The following POP1 variants were observed in gnomAD, a reference collection of about 807,000 sequenced individuals.
POP1 encodes ribonucleases P/MRP protein subunit POP1.
In POP1, 75 loss-of-function variants were observed where a neutral mutation model predicts 102.2. That is an observed-to-expected ratio of 0.73 (90% CI 0.61 to 0.89). POP1 has a LOEUF of 0.89. Among genes scored for constraint, POP1 ranks in the 40% least tolerant of loss-of-function variants. The pLI, the probability that POP1 is intolerant of heterozygous loss-of-function variation, is 0.00. For missense variants in POP1, 1,116 were observed against 1,267.4 expected, an observed-to-expected ratio of 0.88 and a Z score of 1.81; for synonymous variants, 436 against 464.1, an observed-to-expected ratio of 0.94 and a Z score of 0.78.
At chr8:98,124,348 A>T (rs2130577740) in intron 2 of POP1, among the ~76,000 whole-genome samples, 1 of 152,208 alleles carries the variant, frequency 6.6e-6, no homozygotes, top group South Asian at 2.1e-4. Flanking sequence ...GATCACCTGA[A>T]GTCAGGAGTT....
At chr8:98,119,122 T>C (rs1340714773) in intron 1 of POP1, among the ~76,000 whole-genome samples, 3 of 152,368 alleles carry the variant, frequency 2.0e-5, no homozygotes, top group East Asian at 1.9e-4. Flanking sequence ...CCTGAAACTA[T>C]TGGGCACATA....
chr8:98,156,232 C>T lies in POP1; in HGVS notation c.2240C>T (p.Pro747Leu). Residue 747 changes from proline to leucine, a missense_variant, in exon 15 of 16, where the codon CCC becomes CTC. Coordinates refer to ENST00000401707, the MANE Select transcript of POP1 (RefSeq NM_001145860.2). Reference protein sequence around the residue: ...DLRRSEVPCAPMPKKTHQPSD... With the variant: ...DLRRSEVPCALMPKKTHQPSD... ...AGAAGATCTGAGGTGCCTTGTGCTC[C>T]CATGCCTAAAAAAACTCATCAGCCA... 6.2e-7 allele frequency: 1 copy of T among 1,613,954 alleles called. No individual in the cohort carries two copies. Among genetic ancestry groups the T allele is most frequent in the Non-Finnish European group, 8.5e-7 (1 of 1,180,002 alleles).
At chr8:98,125,856 A>G (rs941087093) in intron 2 of POP1, among the ~76,000 whole-genome samples, 2 of 151,552 alleles carry the variant, frequency 1.3e-5, no homozygotes, top group African/African-American at 2.4e-5. Context: ...TTTGCTTTTT[A>G]AAGTTTTAAG....
chr8:98,123,454 A>G lies in POP1; in HGVS notation c.117A>G (p.Glu39=), dbSNP rs369869315. ...GTGTAAAGCACCACAGTGGAGGTGAAAAACCTTTCCAAGCTCAAAAACAAG... is the reference window on the plus strand; with the variant it reads ...GTGTAAAGCACCACAGTGGAGGTGAGAAACCTTTCCAAGCTCAAAAACAAG... ...DRGVKHHSGG[E]KPFQAQKQEP... is the part of the protein sequence containing the mutation. The change falls in exon 2 of 16, where the codon GAA becomes GAG. Residue 39 remains glutamate, a synonymous_variant. Transcript: ENST00000401707. The G allele has an allele frequency of 6.2e-7, 1 of 1,613,982 alleles. No homozygotes were observed. The highest frequency in any genetic ancestry group is 1.1e-5 in the South Asian group (1 of 91,078).
chr8:98,140,980 T>A, intron 11 of POP1, 92 bp downstream of exon 11: 1 of 1,459,214 alleles, frequency 6.9e-7, no homozygotes, highest in Non-Finnish European at 9.6e-7. Flanking sequence ...ACCTCTCCAG[T>A]AACTTCATCT....
chr8:98,138,073 G>A (rs1586239395), intron 9 of POP1, among the ~76,000 whole-genome samples: 1 of 152,278 alleles, frequency 6.6e-6, no homozygotes, highest in Non-Finnish European at 1.5e-5. Flanking sequence ...GTTGTCTCTT[G>A]CCTGAACAAT....
chr8:98,121,536 A>C (rs1196985229), intron 1 of POP1, among the ~76,000 whole-genome samples: 1 of 123,110 alleles, frequency 8.1e-6, no homozygotes, highest in African/African-American at 3.3e-5. Flanking sequence ...TTTTTTTGAG[A>C]TGGAGACTTG....
Position 98,146,515 on chromosome 8 carries a change from G to T in POP1, c.1595-53G>T. The T allele has an allele frequency of 2.3e-6, 3 of 1,303,062 alleles. No individual in the cohort carries two copies. The South Asian group carries it at 3.5e-5, about 15-fold the overall frequency. 80.7% of individuals were successfully genotyped at this position (1,303,062 alleles called of 1,614,324 possible). On this transcript the variant is annotated intron_variant, in intron 11 of 15. Coordinates refer to ENST00000401707, the MANE Select transcript of POP1 (RefSeq NM_001145860.2). ...GGCCTATTGCCAATGTTTGGAGTTT[G>T]ACTTCATTGATCTGAAGGATGTGGT...
chr8:98,136,374 C>T, intron 7 of POP1, 108 bp from the exon 8 acceptor site: 3 of 1,291,826 alleles, frequency 2.3e-6, no homozygotes, highest in Non-Finnish European at 3.2e-6. Flanking sequence ...CCGTGCCTGG[C>T]CAAAAATGTT....
rs562008955 is a variant in POP1, at chr8:98,119,038, A to T, written c.-3+1648A>T. On this transcript the variant is annotated intron_variant, in intron 1 of 15. Transcript: ENST00000401707. The stretch of plus-strand genomic sequence containing the variant: ...ATTAAATGAATAAGTCATGTAGAAT[A>T]GTGCCTGCCACATCAAGTTCTCAAT... Among the ~76,000 whole-genome samples, 257 of 152,368 alleles carry T rather than the reference A, an allele frequency of 1.7e-3. 1 individual carries two copies. The highest frequency in any genetic ancestry group is 5.7e-3 in the African/African-American group (237 of 41,588).
intron 2 of POP1, among the ~76,000 whole-genome samples, chr8:98,125,288 C>T (rs548551605): frequency 9.4e-5 from 14 of 148,940 alleles, no homozygotes; most frequent in African/African-American, 3.0e-4. Flanking sequence ...TGGGTTCAAG[C>T]GATTCTCCTG....
intron 2 of POP1, 92 bp from the exon 3 acceptor site, chr8:98,127,503 A>G (rs1222624760): frequency 1.6e-5 from 24 of 1,464,562 alleles, no homozygotes; most frequent in Admixed American, 3.4e-5. Flanking sequence ...GATTAAAAAC[A>G]TGGTCAATGT....
In POP1 at chr8:98,157,978, T is replaced by C. The variant is rs1378359018; in HGVS notation, c.2782T>C (p.Ser928Pro). ...EKRQKPGRAS[S>P]DGPAGEEPVA... Reference sequence around the variant, plus strand: ...GAGGCAGAAGCCAGGACGTGCCTCTTCTGATGGCCCGGCGGGGGAAGAGCC... The same window carrying C: ...GAGGCAGAAGCCAGGACGTGCCTCTCCTGATGGCCCGGCGGGGGAAGAGCC... Residue 928 changes from serine to proline, a missense_variant, in exon 16 of 16, where the codon TCT becomes CCT. Physicochemically the swap from Ser to Pro is moderately conservative, Grantham distance 74 (BLOSUM62 -1). Transcript: ENST00000401707. 3 of 1,613,270 alleles carry C rather than the reference T, an allele frequency of 1.9e-6. No homozygotes were observed. The highest frequency in any genetic ancestry group is 2.5e-6 in the Non-Finnish European group (3 of 1,180,046).
At chr8:98,126,187 T>C (rs1816199978) in intron 2 of POP1, among the ~76,000 whole-genome samples, 1 of 152,022 alleles carries the variant, frequency 6.6e-6, no homozygotes, top group Non-Finnish European at 1.5e-5. Flanking sequence ...GTATAGTGGC[T>C]CTCAATTTGA....
At position 98,130,415 on chromosome 8, in the gene POP1, T is replaced by C. The variant is rs559553906; in HGVS notation, c.735+189T>C. ...GGCAGCCTAAAGTTAGGGGGGTGAC[T>C]GACATTAATCAAACGATTTACCAGA... is the stretch of plus-strand genomic sequence containing the variant. On this transcript the variant is annotated intron_variant, in intron 5 of 15. Coordinates refer to ENST00000401707, the MANE Select transcript of POP1 (RefSeq NM_001145860.2). Among the ~76,000 whole-genome samples, 5 of 152,276 alleles carry C rather than the reference T, an allele frequency of 3.3e-5. No homozygotes were observed. In the South Asian group the frequency reaches 1.0e-3, roughly 32 times the overall value.
chr8:98,140,833 A>T lies in POP1; in HGVS notation c.1539A>T (p.Arg513=). ...TILGLTVGDP[R]INLPQKKSKA... Reference sequence around the variant, plus strand: ...TGGGACTGACAGTTGGGGATCCTCGAATAAATTTGCCCCAAAAGAAGTCCA... The same window carrying T: ...TGGGACTGACAGTTGGGGATCCTCGTATAAATTTGCCCCAAAAGAAGTCCA... Residue 513 remains arginine, a synonymous_variant, in exon 11 of 16, where the codon CGA becomes CGT. Transcript: ENST00000401707. The T allele has an allele frequency of 6.2e-7, 1 of 1,614,044 alleles. No homozygotes were observed. Among genetic ancestry groups the T allele is most frequent in the Non-Finnish European group, 8.5e-7 (1 of 1,179,886 alleles).
chr8:98,155,628 C>G (rs1013648597), intron 14 of POP1, among the ~76,000 whole-genome samples: 2 of 148,330 alleles, frequency 1.3e-5, no homozygotes, highest in African/African-American at 2.5e-5. Context: ...GTTGCCCAGG[C>G]TGGAGTGCAA....
In POP1 at chr8:98,146,517, C is replaced by T. The variant is rs866665539; in HGVS notation, c.1595-51C>T. 6 of 1,333,734 alleles carry T rather than the reference C, an allele frequency of 4.5e-6. No homozygotes were observed. In the Middle Eastern group the frequency reaches 7.2e-4, roughly 160 times the overall value. 82.6% of individuals were successfully genotyped at this position (1,333,734 alleles called of 1,614,324 possible). A position where few individuals can be genotyped will look rare whatever the true frequency, so the allele number is the denominator to read the frequency against. On this transcript the variant is annotated intron_variant, in intron 11 of 15. Coordinates refer to ENST00000401707, the MANE Select transcript of POP1 (RefSeq NM_001145860.2). ...CCTATTGCCAATGTTTGGAGTTTGA[C>T]TTCATTGATCTGAAGGATGTGGTTT...
intron 11 of POP1, among the ~76,000 whole-genome samples, chr8:98,144,963 C>T (rs62522192): frequency 0.13 from 19,277 of 152,178 alleles, 1,323 homozygotes; most frequent in Middle Eastern, 0.26. Context: ...TCTCAGCTCA[C>T]TGCAGCTTCC....
Sources: allele counts gnomAD v4.1 joint callset (sites outside exome capture counted in the v4.1 genomes callset), GRCh38; gene constraint gnomAD v4.1.1; transcripts MANE v1.5; gene names NCBI Gene and HGNC (gene_info 2026-07-23, HGNC 2026-07-21).